Variants in TENM2 observed in about 807,000 individuals in gnomAD.
The protein encoded by TENM2 is teneurin-2.
TENM2 carries 52 observed loss-of-function variants against 245.2 expected under a neutral mutation model. The observed-to-expected ratio is 0.21, with a 90% CI of 0.17 to 0.27. The LOEUF (loss-of-function observed/expected upper bound fraction) is 0.27. TENM2 is among the 10% of genes least tolerant of loss of function. TENM2 has a pLI of 1.00. For missense variants in TENM2, 3,046 were observed against 3,666.8 expected, an observed-to-expected ratio of 0.83 and a Z score of 4.37; for synonymous variants, 1,363 against 1,438.9, an observed-to-expected ratio of 0.95 and a Z score of 1.19.
At chr5:167,869,587 G>A (rs1402262529) in intron 2 of TENM2, among the ~76,000 whole-genome samples, 3 of 152,242 alleles carry the variant, frequency 2.0e-5, no homozygotes, top group Non-Finnish European at 4.4e-5. Flanking sequence ...TCCAGTGGTG[G>A]TGAATGCGAT....
chr5:167,086,335 C>T, the TENM2 span, among the ~76,000 whole-genome samples: 11 of 152,238 alleles, frequency 7.2e-5, no homozygotes, highest in South Asian at 8.3e-4. Flanking sequence ...ATTTTTGCCT[C>T]TTAGAGAAGT....
At chr5:168,148,095 A>G (rs902384274) in intron 12 of TENM2, among the ~76,000 whole-genome samples, 16 of 152,194 alleles carry the variant, frequency 1.1e-4, no homozygotes, top group Non-Finnish European at 2.2e-4. Flanking sequence ...CTCTGCTGCA[A>G]TTTGGGAGTG....
intron 3 of TENM2, among the ~76,000 whole-genome samples, chr5:167,949,677 G>T (rs980085327): frequency 2.0e-5 from 3 of 152,152 alleles, no homozygotes; most frequent in Admixed American, 6.5e-5. Flanking sequence ...AGCACGCCCA[G>T]GTTCACACAA....
At chr5:168,124,987 TACC>T in exon 11 of TENM2, 8 of 1,611,460 alleles carry the variant, frequency 5.0e-6, no homozygotes, top group Non-Finnish European at 6.8e-6. Flanking sequence ...GCATGGCACG[TACC>T]TGCCTGACAC....
At chr5:167,452,881 G>T (rs1023720912) in intron 2 of TENM2, among the ~76,000 whole-genome samples, 3 of 129,232 alleles carry the variant, frequency 2.3e-5, no homozygotes, top group Non-Finnish European at 3.2e-5. Flanking sequence ...GTATACATAT[G>T]TAACAAACTT....
chr5:167,945,364 G>A (rs1221465048), intron 3 of TENM2, among the ~76,000 whole-genome samples: 1 of 152,156 alleles, frequency 6.6e-6, no homozygotes, highest in Non-Finnish European at 1.5e-5. Context: ...AAAATTTAAG[G>A]AGAGAGAATT....
At chr5:166,993,258 T>C in the TENM2 span, among the ~76,000 whole-genome samples, 3 of 152,090 alleles carry the variant, frequency 2.0e-5, no homozygotes, top group Admixed American at 1.3e-4. Flanking sequence ...AGCTATTTTA[T>C]GGATATTTTG....
intron 2 of TENM2, among the ~76,000 whole-genome samples, chr5:167,493,132 A>G (rs1375010660): frequency 6.6e-6 from 1 of 152,064 alleles, no homozygotes; most frequent in African/African-American, 2.4e-5. Flanking sequence ...CATTCATTCA[A>G]GAAACCTTTG....
chr5:167,151,870 A>G, the TENM2 span, among the ~76,000 whole-genome samples: 1 of 152,138 alleles, frequency 6.6e-6, no homozygotes, highest in African/African-American at 2.4e-5. Context: ...GCAGTTTTCC[A>G]TGCTGTGGGA....
At chr5:167,423,299 G>A (rs998007721) in intron 2 of TENM2, among the ~76,000 whole-genome samples, 1 of 152,078 alleles carries the variant, frequency 6.6e-6, no homozygotes, top group African/African-American at 2.4e-5. Context: ...GCTTAATGAG[G>A]GCTTTGCCAC....
At chr5:167,363,333 CT>C (rs1759826576) in intron 1 of TENM2, among the ~76,000 whole-genome samples, 1 of 152,106 alleles carries the variant, frequency 6.6e-6, no homozygotes, top group South Asian at 2.1e-4. Context: ...TGCACATTGC[CT>C]GTGTAGAATC....
chr5:167,098,489 C>T, the TENM2 span, among the ~76,000 whole-genome samples: 1 of 152,176 alleles, frequency 6.6e-6, no homozygotes, highest in African/African-American at 2.4e-5. Flanking sequence ...TGTCGGCTCA[C>T]TTCTGCTTCT....
At position 167,647,347 on chromosome 5, in the gene TENM2, C is replaced by T. The variant is rs752179054; in HGVS notation, c.503-228639C>T. On this transcript the variant is annotated intron_variant, in intron 2 of 28. Transcript: ENST00000518659. Reference sequence around the variant, plus strand: ...CCATAAGAAAACGAGGATGGCCGGGCGCAGTGGCTCAAGCCTGTAAATCCC... The same window carrying T: ...CCATAAGAAAACGAGGATGGCCGGGTGCAGTGGCTCAAGCCTGTAAATCCC... 1.3e-5 allele frequency among the ~76,000 whole-genome samples: 2 copies of T among 152,190 alleles called. 1 individual carries two copies. The highest frequency in any genetic ancestry group is 4.2e-4 in the South Asian group (2 of 4,808).
At chr5:168,126,059 C>T (rs1795826752) in intron 11 of TENM2, among the ~76,000 whole-genome samples, 1 of 152,160 alleles carries the variant, frequency 6.6e-6, no homozygotes, top group East Asian at 1.9e-4. Flanking sequence ...TCTGGAATAC[C>T]AGAGAGTGCA....
chr5:168,223,184 T>G (rs1221218242), intron 23 of TENM2, among the ~76,000 whole-genome samples: 2 of 152,210 alleles, frequency 1.3e-5, no homozygotes, highest in Non-Finnish European at 2.9e-5. Context: ...GTCCCTACCC[T>G]AAAGCTCTGC....
intron 2 of TENM2, among the ~76,000 whole-genome samples, chr5:167,541,113 A>T (rs938561730): frequency 6.6e-6 from 1 of 152,188 alleles, no homozygotes; most frequent in Non-Finnish European, 1.5e-5. Flanking sequence ...TGCTTCTAAT[A>T]TTATAGGACT....
chr5:167,262,404 GGGC>G, the TENM2 span, among the ~76,000 whole-genome samples: 10 of 151,022 alleles, frequency 6.6e-5, 1 homozygote, highest in South Asian at 1.5e-3. Context: ...TTTTTTGGGG[GGGC>G]GGTGCACAAT....
intron 12 of TENM2, among the ~76,000 whole-genome samples, chr5:168,156,517 C>T (rs1373781463): frequency 6.6e-6 from 1 of 152,124 alleles, no homozygotes; most frequent in Admixed American, 6.5e-5. Flanking sequence ...CATTATTAGC[C>T]ACTTATTTCT....
Position 167,405,794 on chromosome 5 carries a change from A to ACACACACACACG in TENM2, c.502+30326_502+30327insACACACGCACAC, listed in dbSNP as rs1258355219. Among the ~76,000 whole-genome samples the ACACACACACACG allele has an allele frequency of 9.9e-5, 15 of 151,728 alleles. No individual in the cohort carries two copies. The South Asian group carries it at 3.1e-3, about 32-fold the overall frequency. On this transcript the variant is annotated intron_variant, in intron 2 of 28. Transcript: ENST00000518659. Reference sequence around the variant, plus strand: ...AACACACACACACACACACACACACACACACGCACACAGAGATGCCAACCA... The same window carrying ACACACACACACG: ...AACACACACACACACACACACACACACACACACACACGCACACGCACACAGAGATGCCAACCA...
Sources: gnomAD v4.1 joint callset for allele counts (sites outside exome capture counted in the v4.1 genomes callset) on GRCh38, gnomAD v4.1.1 for gene constraint, MANE v1.5 for transcripts, NCBI Gene and HGNC (gene_info 2026-07-23, HGNC 2026-07-21) for gene names.